Variants in MAP3K7CL observed in about 807,000 individuals in gnomAD.
MAP3K7CL encodes the protein MAP3K7 C-terminal like, also known as MAP3K7 C-terminal-like protein.
Under a neutral mutation model 18.6 loss-of-function variants are expected in MAP3K7CL, and 16 were observed. The ratio of observed to expected loss-of-function variants is 0.86; its 90% CI spans 0.58 to 1.31. MAP3K7CL has a LOEUF of 1.31. MAP3K7CL is among the 50% of genes most tolerant of loss of function. MAP3K7CL has a pLI of 0.00. For missense variants in MAP3K7CL, 163 were observed against 174.4 expected (o/e 0.93, Z 0.37); for synonymous variants, 65 against 66.8 (o/e 0.97, Z 0.13).
At position 29,109,085 on chromosome 21, in the gene MAP3K7CL, C is replaced by T. The variant is rs969986539; in HGVS notation, c.370+16504C>T. On this transcript the variant is annotated intron_variant, in intron 4 of 6. Coordinates refer to the MAP3K7CL transcript ENST00000286791. ...TGGATCCTATCAGAGAAACCTTGTT[C>T]ATCATTTCATTTCCAAATTATGAAG... is the stretch of plus-strand genomic sequence containing the variant. The T allele has an allele frequency of 6.5e-6, 10 of 1,535,062 alleles. No homozygotes were observed. The African/African-American group carries it at 1.2e-4, about 19-fold the overall frequency.
At chr21:29,114,331 A>C (rs548160479) in intron 4 of MAP3K7CL, among the ~76,000 whole-genome samples, 4 of 119,398 alleles carry the variant, frequency 3.4e-5, no homozygotes, top group Non-Finnish European at 7.6e-5. Flanking sequence ...GGCATCCCAA[A>C]GTGCTGGGAT....
At chr21:29,097,029 A>C (rs890192807) in intron 4 of MAP3K7CL, among the ~76,000 whole-genome samples, 1 of 152,320 alleles carries the variant, frequency 6.6e-6, no homozygotes, top group Admixed American at 6.5e-5. Flanking sequence ...GAAGAGCACC[A>C]TTTTTAATCC....
chr21:29,147,944 T>C (rs2087176872), intron 2 of MAP3K7CL, among the ~76,000 whole-genome samples: 2 of 146,878 alleles, frequency 1.4e-5, no homozygotes, highest in Non-Finnish European at 3.0e-5. Context: ...ATCTGTACTG[T>C]ATCTCTATTA....
At chr21:29,157,893 C>G (rs2087446443) in intron 3 of MAP3K7CL, among the ~76,000 whole-genome samples, 1 of 152,212 alleles carries the variant, frequency 6.6e-6, no homozygotes, top group African/African-American at 2.4e-5. Flanking sequence ...TCTCCCTTTA[C>G]ACGGCTGCTC....
intron 2 of MAP3K7CL, among the ~76,000 whole-genome samples, chr21:29,141,041 T>C (rs1005920867): frequency 6.6e-6 from 1 of 152,196 alleles, no homozygotes; most frequent in Admixed American, 6.5e-5. Context: ...CCTCCCAAAG[T>C]GCTGAGATTA....
chr21:29,098,758 A>G (rs2086167775), intron 4 of MAP3K7CL, among the ~76,000 whole-genome samples: 1 of 151,610 alleles, frequency 6.6e-6, no homozygotes, highest in Non-Finnish European at 1.5e-5. Flanking sequence ...GCTTTCTACT[A>G]GACTACCTCG....
upstream of MAP3K7CL, among the ~76,000 whole-genome samples, chr21:29,083,531 T>C (rs1334274918): frequency 6.6e-6 from 1 of 151,184 alleles, no homozygotes; most frequent in Non-Finnish European, 1.5e-5. Flanking sequence ...TTATATGACC[T>C]GTGGGAAAAA....
At position 29,109,050 on chromosome 21, in the gene MAP3K7CL, G is replaced by A. The variant is rs2832181; in HGVS notation, c.370+16469G>A. On this transcript the variant is annotated intron_variant, in intron 4 of 6. Coordinates refer to the MAP3K7CL transcript ENST00000286791. ...TCTACTTCCTACTAGGTTGACATTC[G>A]TAACCTTCCTGGATCCTATCAGAGA... 1.6e-5 allele frequency: 24 copies of A among 1,532,306 alleles called. 1 individual carries two copies. In the South Asian group the frequency reaches 2.2e-4, roughly 14 times the overall value. 94.9% of individuals were successfully genotyped at this position (1,532,306 alleles called of 1,614,324 possible).
At chr21:29,087,040 G>T (rs985405160) in intron 1 of MAP3K7CL, among the ~76,000 whole-genome samples, 2 of 152,136 alleles carry the variant, frequency 1.3e-5, no homozygotes, top group Non-Finnish European at 2.9e-5. Flanking sequence ...TTCATGTCCT[G>T]CGTCTTTTCC....
chr21:29,094,378 G>C (rs942559152), intron 4 of MAP3K7CL, among the ~76,000 whole-genome samples: 2 of 152,208 alleles, frequency 1.3e-5, no homozygotes, highest in Non-Finnish European at 2.9e-5. Context: ...CAGATGGCTG[G>C]ACTCCATCCC....
chr21:29,079,470 C>G (rs144555635), intron 1 of MAP3K7CL, among the ~76,000 whole-genome samples: 2 of 152,268 alleles, frequency 1.3e-5, no homozygotes, highest in African/African-American at 4.8e-5. Flanking sequence ...TGTCTCACCA[C>G]TCCCCCCAGA....
chr21:29,164,906 T>G (rs976813565), intron 4 of MAP3K7CL, among the ~76,000 whole-genome samples: 29 of 152,326 alleles, frequency 1.9e-4, no homozygotes, highest in African/African-American at 6.3e-4. Context: ...TTAATATAAT[T>G]GCATATACAG....
At chr21:29,131,028 T>A in intron 1 of MAP3K7CL, 105 bp downstream of exon 1, 4 of 702,396 alleles carry the variant, frequency 5.7e-6, no homozygotes, top group Non-Finnish European at 7.0e-6. Flanking sequence ...GTGGTTCGTT[T>A]CCCCAGACGG....
intron 4 of MAP3K7CL, among the ~76,000 whole-genome samples, chr21:29,103,924 TA>T (rs1568937445): frequency 6.6e-6 from 1 of 152,006 alleles, no homozygotes; most frequent in East Asian, 1.9e-4. Flanking sequence ...TAAACTAAAA[TA>T]AAAAGTTTGG....
At chr21:29,133,522 C>T in intron 2 of MAP3K7CL, 108 bp downstream of exon 2, 1 of 683,682 alleles carries the variant, frequency 1.5e-6, no homozygotes, top group East Asian at 3.1e-5. Context: ...GCTTGCATGA[C>T]CTGATGATGG....
chr21:29,147,094 C>T (rs1050685092), intron 2 of MAP3K7CL, among the ~76,000 whole-genome samples: 4 of 152,050 alleles, frequency 2.6e-5, no homozygotes, highest in Non-Finnish European at 4.4e-5. Context: ...GTTATCTTTT[C>T]TTGCTTTATT....
upstream of MAP3K7CL, among the ~76,000 whole-genome samples, chr21:29,129,181 T>C (rs2086733473): frequency 6.6e-6 from 1 of 152,226 alleles, no homozygotes. Flanking sequence ...ATTGATACAT[T>C]ATTATTCATT....
chr21:29,171,819 A>G (rs566368974), intron 4 of MAP3K7CL, among the ~76,000 whole-genome samples: 1 of 151,416 alleles, frequency 6.6e-6, no homozygotes, highest in East Asian at 1.9e-4. Flanking sequence ...AAAAAAAAAA[A>G]AAAAAAAAAA....
chr21:29,109,931 G>A (rs2086390575), intron 4 of MAP3K7CL: 2 of 337,068 alleles, frequency 5.9e-6, no homozygotes, highest in South Asian at 1.2e-4. Context: ...CTAGCAATGT[G>A]TAGTAGATTT....
Sources: allele counts gnomAD v4.1 joint callset (sites outside exome capture counted in the v4.1 genomes callset), GRCh38; gene constraint gnomAD v4.1.1; transcripts MANE v1.5; gene names NCBI Gene and HGNC (gene_info 2026-07-23, HGNC 2026-07-21).